PAK5: variants seen among roughly 807,000 people sequenced by gnomAD.
The protein encoded by PAK5 is p21 (RAC1) activated kinase 5, also known as serine/threonine-protein kinase PAK 5.
PAK5 carries 16 observed loss-of-function variants against 65.9 expected under a neutral mutation model. The observed-to-expected ratio is 0.24, with a 90% CI of 0.16 to 0.37. The LOEUF (loss-of-function observed/expected upper bound fraction) is 0.37, where lower values mean the gene tolerates loss of function less well. Ranked by LOEUF, PAK5 falls within the 10% of genes least tolerant of loss-of-function variation. The pLI, the probability that PAK5 is intolerant of heterozygous loss-of-function variation, is 1.00. For synonymous variants in PAK5, 371 were observed against 354.9 expected (o/e 1.05, Z -0.51); for missense variants, 785 against 903.9 (o/e 0.87, Z 1.69).
chr20:9,605,177 G>C (rs1224283744), intron 3 of PAK5, among the ~76,000 whole-genome samples: 1 of 152,218 alleles, frequency 6.6e-6, no homozygotes, highest in African/African-American at 2.4e-5. Context: ...TCAGAGAAGC[G>C]GGGGTATTTA....
intron 1 of PAK5, among the ~76,000 whole-genome samples, chr20:9,827,543 A>C (rs1206397445): frequency 6.6e-6 from 1 of 152,056 alleles, no homozygotes; most frequent in Non-Finnish European, 1.5e-5. Flanking sequence ...TGCAAGAAGG[A>C]AGCTAAAAAA....
chr20:9,831,575 T>C (rs1003662932), intron 1 of PAK5, among the ~76,000 whole-genome samples: 17 of 152,248 alleles, frequency 1.1e-4, no homozygotes, highest in African/African-American at 4.1e-4. Context: ...TGGTGCGATC[T>C]TGGCTCACTG....
intron 3 of PAK5, among the ~76,000 whole-genome samples, chr20:9,613,586 G>A (rs569922120): frequency 6.6e-6 from 1 of 152,306 alleles, no homozygotes; most frequent in East Asian, 1.9e-4. Context: ...GAGGGAAAAA[G>A]AAACCACTTA....
intron 1 of PAK5, among the ~76,000 whole-genome samples, chr20:9,756,199 C>T (rs2048631787): frequency 2.0e-5 from 3 of 152,180 alleles, no homozygotes; most frequent in South Asian, 2.1e-4. Flanking sequence ...TTTCAAAATA[C>T]TAATATTAAT....
At chr20:9,706,432 C>T (rs778129568) in intron 2 of PAK5, among the ~76,000 whole-genome samples, 1 of 151,702 alleles carries the variant, frequency 6.6e-6, no homozygotes, top group Non-Finnish European at 1.5e-5. Flanking sequence ...GTATTTCCTC[C>T]TTCCTTTCTT....
At chr20:9,698,579 A>G (rs1276194159) in intron 2 of PAK5, among the ~76,000 whole-genome samples, 3 of 152,204 alleles carry the variant, frequency 2.0e-5, no homozygotes, top group Admixed American at 2.0e-4. Context: ...AGGGCTAAGA[A>G]TGATCATACC....
chr20:9,631,591 C>T (rs969475904), intron 3 of PAK5, among the ~76,000 whole-genome samples: 1 of 152,252 alleles, frequency 6.6e-6, no homozygotes. Context: ...TAATTGCAGC[C>T]TTGTGAAACC....
chr20:9,626,981 C>G (rs1314513921), intron 3 of PAK5, among the ~76,000 whole-genome samples: 4 of 152,066 alleles, frequency 2.6e-5, no homozygotes, highest in Non-Finnish European at 5.9e-5. Flanking sequence ...AAAAAAAAGA[C>G]AGGTCTTTAT....
At chr20:9,827,299 C>G (rs1176705306) in intron 1 of PAK5, among the ~76,000 whole-genome samples, 2 of 152,268 alleles carry the variant, frequency 1.3e-5, no homozygotes, top group East Asian at 1.9e-4. Context: ...TCAGATGATA[C>G]AGGGTTTGAC....
At chr20:9,626,783 A>G (rs140286831) in intron 3 of PAK5, among the ~76,000 whole-genome samples, 74 of 151,642 alleles carry the variant, frequency 4.9e-4, no homozygotes, top group African/African-American at 1.7e-3. Context: ...ATTTTTATTT[A>G]TTTTTTTTTC....
chr20:9,780,609 C>CATAGAAT (rs1253728600), intron 1 of PAK5, among the ~76,000 whole-genome samples: 53 of 152,010 alleles, frequency 3.5e-4, no homozygotes, highest in Middle Eastern at 3.4e-3. Context: ...TTTCTATACT[C>CATAGAAT]ATAGAAATAT....
At chr20:9,664,337 C>A (rs1052264387) in intron 2 of PAK5, among the ~76,000 whole-genome samples, 1 of 152,158 alleles carries the variant, frequency 6.6e-6, no homozygotes, top group Non-Finnish European at 1.5e-5. Flanking sequence ...TGAGAAAAGT[C>A]ATCACAAGAA....
chr20:9,685,496 G>T (rs1331871637), intron 2 of PAK5, among the ~76,000 whole-genome samples: 1 of 152,148 alleles, frequency 6.6e-6, no homozygotes, highest in Non-Finnish European at 1.5e-5. Flanking sequence ...GTAAAAGATT[G>T]CCAGAAAACA....
chr20:9,751,022 A>G (rs1253415784), intron 1 of PAK5, among the ~76,000 whole-genome samples: 1 of 152,168 alleles, frequency 6.6e-6, no homozygotes, highest in African/African-American at 2.4e-5. Context: ...CCAGCTAGAA[A>G]AGAGATTGTA....
chr20:9,806,031 C>T (rs1198167102), intron 1 of PAK5, among the ~76,000 whole-genome samples: 1 of 152,182 alleles, frequency 6.6e-6, no homozygotes, highest in African/African-American at 2.4e-5. Context: ...GTGGCATGAT[C>T]TCAGCCCCCT....
chr20:9,681,263 C>T (rs2047645921), intron 2 of PAK5, among the ~76,000 whole-genome samples: 1 of 151,934 alleles, frequency 6.6e-6, no homozygotes, highest in African/African-American at 2.4e-5. Flanking sequence ...TTTCTCCAAC[C>T]TCTCTGTATC....
intron 7 of PAK5, among the ~76,000 whole-genome samples, chr20:9,550,283 T>C (rs2045406505): frequency 6.6e-6 from 1 of 152,080 alleles, no homozygotes; most frequent in South Asian, 2.1e-4. Context: ...GCTGCAACTG[T>C]GATGTACAGC....
intron 1 of PAK5, among the ~76,000 whole-genome samples, chr20:9,766,138 C>T (rs554677260): frequency 4.2e-4 from 64 of 151,696 alleles, no homozygotes; most frequent in African/African-American, 1.4e-3. Flanking sequence ...AGAAGAATCA[C>T]TTGAACCCGG....
At chr20:9,661,490 T>C (rs990759934) in intron 2 of PAK5, among the ~76,000 whole-genome samples, 4 of 152,162 alleles carry the variant, frequency 2.6e-5, no homozygotes, top group Admixed American at 2.0e-4. Context: ...TGAGAAGACC[T>C]TTTTTATGGG....
Sources: gnomAD v4.1 joint callset for allele counts (sites outside exome capture counted in the v4.1 genomes callset) on GRCh38, gnomAD v4.1.1 for gene constraint, MANE v1.5 for transcripts, NCBI Gene and HGNC (gene_info 2026-07-23, HGNC 2026-07-21) for gene names.